ONECUT2: variants seen among roughly 807,000 people sequenced by gnomAD.
ONECUT2 encodes one cut domain family member 2.
A neutral mutation model predicts 27.9 loss-of-function variants in ONECUT2; 10 were observed. The observed-to-expected ratio is 0.36, with a 90% confidence interval of 0.22 to 0.61. ONECUT2 has a LOEUF of 0.61. Among genes scored for constraint, ONECUT2 ranks in the 20% least tolerant of loss-of-function variants. The pLI, the probability that ONECUT2 is intolerant of heterozygous loss-of-function variation, is 0.73. For missense variants in ONECUT2, 686 were observed against 721.0 expected (o/e 0.95, Z 0.56); for synonymous variants, 334 against 315.1 (o/e 1.06, Z -0.64).
At chr18:57,473,005 C>T (rs1001543897) in intron 1 of ONECUT2, among the ~76,000 whole-genome samples, 3 of 152,088 alleles carry the variant, frequency 2.0e-5, no homozygotes, top group African/African-American at 7.2e-5. Flanking sequence ...ACCAGTTGTC[C>T]CAGGGGTAGG....
chr18:57,436,017 G>A lies in ONECUT2; in HGVS notation c.301G>A (p.Ala101Thr), dbSNP rs1430937149. The A allele has an allele frequency of 2.0e-6, 3 of 1,530,954 alleles. No individual in the cohort carries two copies. The highest frequency in any genetic ancestry group is 1.7e-6 in the Non-Finnish European group (2 of 1,144,504). 94.8% of individuals were successfully genotyped at this position (1,530,954 alleles called of 1,614,324 possible). A position where few individuals can be genotyped will look rare whatever the true frequency, so the allele number is the denominator to read the frequency against. The change falls in exon 1 of 2, where the codon GCG becomes ACG. Residue 101 changes from alanine (A) to threonine (T), a missense_variant. This residue lies in a region of ONECUT2 where 511 missense variants were observed against 488.1 expected (regional missense o/e 1.05). Transcript: ENST00000491143. This position sits in a 1 kb window ranked among gnomAD's most constrained non-coding sequence, Gnocchi z 5.9. The stretch of plus-strand genomic sequence containing the variant: ...CACGGCGGCAGCGGCGGCAGCGGCG[G>A]CGTCGCGCTCGGCCATGGTCACCAG... Reference protein sequence around the residue: ...LGTAAAAAAAASRSAMVTSMA... With the variant: ...LGTAAAAAAATSRSAMVTSMA...
chr18:57,454,831 G>T (rs969481709), intron 1 of ONECUT2, among the ~76,000 whole-genome samples: 1 of 152,166 alleles, frequency 6.6e-6, no homozygotes, highest in East Asian at 1.9e-4. Flanking sequence ...ATTTTGCTAA[G>T]CTCGTGCTTA....
rs12607294 is a variant in ONECUT2, at chr18:57,489,624, T to C, written c.*12901T>C. ...TCAGCTTTATCTCTAGGAAAGTTTTTTCAGATTATGACAAGGAACCTGCCA... is the reference window on the plus strand; with the variant it reads ...TCAGCTTTATCTCTAGGAAAGTTTTCTCAGATTATGACAAGGAACCTGCCA... On this transcript the variant is annotated 3_prime_UTR_variant, in exon 2 of 2. Coordinates refer to ENST00000491143, the MANE Select transcript of ONECUT2 (RefSeq NM_004852.3). The C allele has an allele frequency of 0.055, 8,353 of 152,200 alleles. 758 individuals carry two copies. Among genetic ancestry groups the C allele is most frequent in the East Asian group, 0.37 (1,910 of 5,160 alleles). 9.4% of individuals were successfully genotyped at this position (152,200 alleles called of 1,614,324 possible). A position where few individuals can be genotyped will look rare whatever the true frequency, so the allele number is the denominator to read the frequency against.
Position 57,476,717 on chromosome 18 carries a change from A to G in ONECUT2, c.1509A>G (p.Lys503=), listed in dbSNP as rs2050384704. 4 of 1,613,926 alleles carry G rather than the reference A, an allele frequency of 2.5e-6. No individual in the cohort carries two copies. In the African/African-American group the frequency reaches 4.0e-5, roughly 16 times the overall value. Residue 503 remains lysine, a synonymous_variant, in exon 2 of 2, where the codon AAA becomes AAG. Coordinates refer to ENST00000491143, the MANE Select transcript of ONECUT2 (RefSeq NM_004852.3). Reference sequence around the variant, plus strand: ...CGTCCACCTCCAGCACGTGTACCAAAGCATGATGGAAGGACTCTCACTTGG... The same window carrying G: ...CGTCCACCTCCAGCACGTGTACCAAGGCATGATGGAAGGACTCTCACTTGG... ...GSSSTSSTCT[K]A
chr18:57,443,413 A>G (rs574606144), intron 1 of ONECUT2, among the ~76,000 whole-genome samples: 2 of 151,630 alleles, frequency 1.3e-5, no homozygotes, highest in African/African-American at 2.4e-5. Context: ...CAGGGAGACA[A>G]CTCTTCTTAG....
chr18:57,457,459 T>G (rs2050265949), intron 1 of ONECUT2, among the ~76,000 whole-genome samples: 1 of 152,166 alleles, frequency 6.6e-6, no homozygotes, highest in Admixed American at 6.5e-5. Flanking sequence ...TTCAAATTCC[T>G]GAACTCCCTC....
At chr18:57,439,533 G>T (rs557974143) in intron 1 of ONECUT2, among the ~76,000 whole-genome samples, 18 of 152,352 alleles carry the variant, frequency 1.2e-4, no homozygotes, top group Admixed American at 8.5e-4. Flanking sequence ...TCAGTTTGGG[G>T]TCAGTAGATC....
rs1410996321 is a variant in ONECUT2 at position 57,478,837 on chromosome 18, A to ATC, written c.*2114_*2115insTC. Reference sequence around the variant, plus strand: ...GGCTAAAATACTAATAGCGCCATTGAACTGTATAAAGGTAATCAATTATGT... The same window carrying ATC: ...GGCTAAAATACTAATAGCGCCATTGATCACTGTATAAAGGTAATCAATTATGT... On this transcript the variant is annotated 3_prime_UTR_variant, in exon 2 of 2. Coordinates refer to ENST00000491143, the MANE Select transcript of ONECUT2 (RefSeq NM_004852.3). The ATC allele has an allele frequency of 2.9e-4, 44 of 152,554 alleles. No individual in the cohort carries two copies. Among genetic ancestry groups the ATC allele is most frequent in the African/African-American group, 1.0e-3 (42 of 41,566 alleles). 9.5% of individuals were successfully genotyped at this position (152,554 alleles called of 1,614,324 possible). A position where few individuals can be genotyped will look rare whatever the true frequency, so the allele number is the denominator to read the frequency against.
intron 1 of ONECUT2, among the ~76,000 whole-genome samples, chr18:57,459,573 A>G (rs1342827841): frequency 6.6e-6 from 1 of 152,120 alleles, no homozygotes; most frequent in South Asian, 2.1e-4. Context: ...TTTATTTTTT[A>G]TGAGACAGAG....
chr18:57,461,431 C>T (rs910703138), intron 1 of ONECUT2, among the ~76,000 whole-genome samples: 7 of 152,194 alleles, frequency 4.6e-5, no homozygotes, highest in African/African-American at 1.7e-4. Context: ...ATGTACTTAA[C>T]CATACATTTC....
intron 1 of ONECUT2, among the ~76,000 whole-genome samples, chr18:57,442,324 G>A (rs2050180266): frequency 6.6e-6 from 1 of 151,666 alleles, no homozygotes; most frequent in Non-Finnish European, 1.5e-5. Flanking sequence ...TATCAATCGG[G>A]AGGGAAAGCA....
chr18:57,477,844 A>G lies in ONECUT2; in HGVS notation c.*1121A>G, dbSNP rs1453611189. ...GTTTTTCCTCATCCATCCCATTAGT[A>G]GGGATGTTTTCTGTGTTTTCTAGCA... On this transcript the variant is annotated 3_prime_UTR_variant, in exon 2 of 2. Coordinates refer to ENST00000491143, the MANE Select transcript of ONECUT2 (RefSeq NM_004852.3). 6.6e-6 allele frequency: 1 copy of G among 152,548 alleles called. No individual in the cohort carries two copies. The highest frequency in any genetic ancestry group is 2.4e-5 in the African/African-American group (1 of 41,392). 9.4% of individuals were successfully genotyped at this position (152,548 alleles called of 1,614,324 possible).
chr18:57,444,561 C>G (rs562304748), intron 1 of ONECUT2: 59 of 403,340 alleles, frequency 1.5e-4, no homozygotes, highest in African/African-American at 1.1e-3. Flanking sequence ...GTCCCCACCC[C>G]CCAGGGTGAG....
At chr18:57,446,106 C>T (rs945663504) in intron 1 of ONECUT2, among the ~76,000 whole-genome samples, 12 of 152,226 alleles carry the variant, frequency 7.9e-5, no homozygotes, top group African/African-American at 2.9e-4. Context: ...AGCAGCTCTG[C>T]CCTGGTAGGA....
Position 57,446,336 on chromosome 18 carries a change from C to A in ONECUT2, c.1228+9392C>A, listed in dbSNP as rs528882201. ...TGCCCCTCTATTTTCTATTTATGTT[C>A]TCTTCATTACTGTGCATTACAGTAA... On this transcript the variant is annotated intron_variant, in intron 1 of 1. Transcript: ENST00000491143. 5.3e-4 allele frequency among the ~76,000 whole-genome samples: 81 copies of A among 152,330 alleles called. 2 individuals are homozygous for A. In the South Asian group the frequency reaches 0.017, roughly 31 times the overall value.
intron 1 of ONECUT2, among the ~76,000 whole-genome samples, chr18:57,472,945 G>A (rs1405555420): frequency 6.6e-6 from 1 of 152,218 alleles, no homozygotes; most frequent in African/African-American, 2.4e-5. Context: ...GTTATCAGGA[G>A]ATTATCATGC....
Position 57,477,840 on chromosome 18 carries a change from T to C in ONECUT2, c.*1117T>C, listed in dbSNP as rs937786235. 4 of 152,530 alleles carry C rather than the reference T, an allele frequency of 2.6e-5. No individual in the cohort carries two copies. Among genetic ancestry groups the C allele is most frequent in the African/African-American group, 9.7e-5 (4 of 41,396 alleles). 9.4% of individuals were successfully genotyped at this position (152,530 alleles called of 1,614,324 possible). A position where few individuals can be genotyped will look rare whatever the true frequency, so the allele number is the denominator to read the frequency against. The stretch of plus-strand genomic sequence containing the variant: ...TGGGGTTTTTCCTCATCCATCCCAT[T>C]AGTAGGGATGTTTTCTGTGTTTTCT... On this transcript the variant is annotated 3_prime_UTR_variant, in exon 2 of 2. Coordinates refer to ENST00000491143, the MANE Select transcript of ONECUT2 (RefSeq NM_004852.3).
intron 1 of ONECUT2, among the ~76,000 whole-genome samples, chr18:57,472,904 A>G (rs2050361785): frequency 6.6e-6 from 1 of 152,184 alleles, no homozygotes; most frequent in African/African-American, 2.4e-5. Context: ...GACCTCAGCC[A>G]ATGTTTGCAG....
chr18:57,455,625 G>A (rs1181545496), intron 1 of ONECUT2, among the ~76,000 whole-genome samples: 2 of 152,158 alleles, frequency 1.3e-5, no homozygotes, highest in African/African-American at 4.8e-5. Flanking sequence ...CTGAGTGATT[G>A]CCTAATGCCA....
Sources: allele counts gnomAD v4.1 joint callset (sites outside exome capture counted in the v4.1 genomes callset), GRCh38; gene constraint gnomAD v4.1.1; regional missense constraint gnomAD v4.1.1; non-coding constraint Gnocchi (gnomAD v3.1); transcripts MANE v1.5; gene names NCBI Gene and HGNC (gene_info 2026-07-23, HGNC 2026-07-21).